The following C10orf71 variants were observed in gnomAD, a reference collection of about 807,000 sequenced individuals.
C10orf71 encodes the protein chromosome 10 open reading frame 71, also known as cardiac-enriched FHL2-interacting protein.
For missense variants in C10orf71, 1,869 were observed against 1,804.5 expected (o/e 1.04, Z -0.65); for synonymous variants, 758 against 726.3 (o/e 1.04, Z -0.70).
In C10orf71 at chr10:49,323,039, G is replaced by T; in HGVS notation, c.494G>T (p.Ser165Ile). ...SQRCESRPTA[S>I]KPPALKNPPK... ...CGTTGTGAGAGCAGGCCCACTGCCA[G>T]CAAGCCTCCGGCTCTGAAAAATCCT... The change falls in exon 3 of 3, where the codon AGC (serine) becomes ATC (isoleucine). Residue 165 changes from serine (S) to isoleucine (I), a missense_variant. By Grantham distance (142) the Ser-to-Ile change is moderately radical (BLOSUM62 -2). Coordinates refer to ENST00000374144, the MANE Select transcript of C10orf71 (RefSeq NM_001135196.2). The T allele has an allele frequency of 6.2e-7, 1 of 1,613,958 alleles. No homozygotes were observed. Among genetic ancestry groups the T allele is most frequent in the East Asian group, 2.2e-5 (1 of 44,882 alleles).
rs1698342770 is a variant in C10orf71, at chr10:49,320,343, C to T, written c.-144-2059C>T. ...CCAGGGACACTGGCTCCCCCTCCCACCAGGCTCCTGCCAGCACCTCTACTG... is the reference window on the plus strand; with the variant it reads ...CCAGGGACACTGGCTCCCCCTCCCATCAGGCTCCTGCCAGCACCTCTACTG... On this transcript the variant is annotated intron_variant, in intron 2 of 2. Transcript: ENST00000374144. Among the ~76,000 whole-genome samples, 3 of 152,160 alleles carry T rather than the reference C, an allele frequency of 2.0e-5. No homozygotes were observed. In the South Asian group the frequency reaches 6.2e-4, roughly 32 times the overall value.
At chr10:49,297,852 T>C (rs189761047), upstream of C10orf71, among the ~76,000 whole-genome samples, 50 of 152,268 alleles carry the variant, frequency 3.3e-4, no homozygotes, top group South Asian at 2.1e-4. Flanking sequence ...GTGGGTAAAA[T>C]TGAGGGGTTC....
chr10:49,315,564 G>A (rs115972017), intron 1 of C10orf71, among the ~76,000 whole-genome samples: 2 of 152,126 alleles, frequency 1.3e-5, no homozygotes, highest in South Asian at 4.1e-4. Flanking sequence ...TCACAACTGG[G>A]TCAATCATAT....
chr10:49,324,910 G>T lies in C10orf71; in HGVS notation c.2365G>T (p.Ala789Ser), dbSNP rs552882692. Reference sequence around the variant, plus strand: ...GTACTGTGCCTTAAGCAATGGGCACGCATGCCTGGAAAACCGCAGCCAGGG... The same window carrying T: ...GTACTGTGCCTTAAGCAATGGGCACTCATGCCTGGAAAACCGCAGCCAGGG... ...LQYCALSNGH[A>S]CLENRSQGEA... Residue 789 changes from alanine (A) to serine (S), a missense_variant, in exon 3 of 3, where the codon GCA (alanine) becomes TCA (serine). By Grantham distance (99) the Ala-to-Ser change is moderately conservative. Coordinates refer to ENST00000374144, the MANE Select transcript of C10orf71 (RefSeq NM_001135196.2). The T allele has an allele frequency of 2.6e-6, 4 of 1,550,608 alleles. No homozygotes were observed. The highest frequency in any genetic ancestry group is 2.0e-5 in the Admixed American group (1 of 50,956).
rs372149474 is a variant in C10orf71, at chr10:49,322,600, G to A, written c.55G>A (p.Gly19Ser). Residue 19 changes from glycine (G) to serine (S), a missense_variant, in exon 3 of 3, where the codon GGC becomes AGC. By Grantham distance (56) the Gly-to-Ser change is moderately conservative. Transcript: ENST00000374144. ...CGCGTTCAGCGACTCCTCCAGCATCGGCAGCGTGTTGGATGATGCAGACAG... is the reference window on the plus strand; with the variant it reads ...CGCGTTCAGCGACTCCTCCAGCATCAGCAGCGTGTTGGATGATGCAGACAG... ...TDAFSDSSSIGSVLDDADREV... is the reference protein window; with the variant it reads ...TDAFSDSSSISSVLDDADREV... The A allele has an allele frequency of 7.4e-6, 12 of 1,612,680 alleles. No individual in the cohort carries two copies. Among genetic ancestry groups the A allele is most frequent in the Admixed American group, 3.3e-5 (2 of 59,858 alleles).
At chr10:49,307,100 G>C (rs1848827323) in intron 1 of C10orf71, among the ~76,000 whole-genome samples, 1 of 152,216 alleles carries the variant, frequency 6.6e-6, no homozygotes, top group Admixed American at 6.5e-5. Flanking sequence ...AGAGTTGTTT[G>C]GGATCACATG....
chr10:49,316,747 CT>C (rs1213349694), intron 2 of C10orf71, among the ~76,000 whole-genome samples: 1 of 152,178 alleles, frequency 6.6e-6, no homozygotes, highest in African/African-American at 2.4e-5. Context: ...CACTTCCGTC[CT>C]TGTGTAGCTC....
In C10orf71 at chr10:49,326,631, G is replaced by A; in HGVS notation, c.4086G>A (p.Arg1362=). The change falls in exon 3 of 3, where the codon AGG becomes AGA. Residue 1362 remains arginine (R), a synonymous_variant. Coordinates refer to ENST00000374144, the MANE Select transcript of C10orf71 (RefSeq NM_001135196.2). ...AGCTCTCCGCGCCCACCTTCCTCAG[G>A]CAGGGCCCTCGTGCCTCCGCGGCCC... ...SSQLSAPTFL[R]QGPRASAARA... The A allele has an allele frequency of 6.5e-7, 1 of 1,550,126 alleles. No individual in the cohort carries two copies. Among genetic ancestry groups the A allele is most frequent in the Non-Finnish European group, 8.7e-7 (1 of 1,146,844 alleles).
chr10:49,312,228 C>T (rs1848927060), intron 1 of C10orf71, among the ~76,000 whole-genome samples: 1 of 152,202 alleles, frequency 6.6e-6, no homozygotes, highest in Admixed American at 6.5e-5. Flanking sequence ...TCACAGTGGG[C>T]ATGGCAGACC....
Position 49,326,573 on chromosome 10 carries a change from T to C in C10orf71, c.4028T>C (p.Val1343Ala). 6.4e-7 allele frequency: 1 copy of C among 1,550,708 alleles called. No homozygotes were observed. The highest frequency in any genetic ancestry group is 1.2e-5 in the South Asian group (1 of 84,052). The part of the protein sequence containing the change: ...VLYPGFQPVP[V>A]TALMPLRCSS... ...TACCCCGGCTTCCAGCCAGTGCCCG[T>C]GACGGCCTTGATGCCGCTGCGCTGC... The change falls in exon 3 of 3, where the codon GTG (valine) becomes GCG (alanine). Residue 1343 changes from valine to alanine, a missense_variant. Coordinates refer to ENST00000374144, the MANE Select transcript of C10orf71 (RefSeq NM_001135196.2).
chr10:49,300,262 A>G (rs1360482682), intron 1 of C10orf71, among the ~76,000 whole-genome samples: 1 of 152,144 alleles, frequency 6.6e-6, no homozygotes, highest in Non-Finnish European at 1.5e-5. Flanking sequence ...TGGTCTGAGC[A>G]TCTGGTTTTG....
At chr10:49,297,913 TC>T (rs926139755), upstream of C10orf71, among the ~76,000 whole-genome samples, 2 of 152,132 alleles carry the variant, frequency 1.3e-5, no homozygotes, top group African/African-American at 4.8e-5. Flanking sequence ...CAAGTAATCA[TC>T]CCCACAGCGA....
At chr10:49,300,490 G>T (rs11101082) in intron 1 of C10orf71, among the ~76,000 whole-genome samples, 2 of 145,570 alleles carry the variant, frequency 1.4e-5, no homozygotes, top group East Asian at 2.1e-4. Context: ...AGCAGTGAAA[G>T]TTCTTGCTGT....
intron 1 of C10orf71, among the ~76,000 whole-genome samples, chr10:49,314,187 C>A (rs1280468599): frequency 6.6e-6 from 1 of 152,026 alleles, no homozygotes; most frequent in Non-Finnish European, 1.5e-5. Context: ...ACATTAAAGG[C>A]CGAGTGAAAT....
chr10:49,322,584 C>G lies in C10orf71; in HGVS notation c.39C>G (p.Ser13Arg), dbSNP rs770419179. 2 of 1,611,934 alleles carry G rather than the reference C, an allele frequency of 1.2e-6. No homozygotes were observed. The highest frequency in any genetic ancestry group is 1.7e-6 in the Non-Finnish European group (2 of 1,178,994). ...ATAAGAAGTGCACAGACGCGTTCAG[C>G]GACTCCTCCAGCATCGGCAGCGTGT... ...QGNKKCTDAFSDSSSIGSVLD... is the reference protein window; with the variant it reads ...QGNKKCTDAFRDSSSIGSVLD... The change falls in exon 3 of 3, where the codon AGC (serine) becomes AGG (arginine). Residue 13 changes from serine (S) to arginine (R), a missense_variant. Coordinates refer to ENST00000374144, the MANE Select transcript of C10orf71 (RefSeq NM_001135196.2).
chr10:49,299,781 T>C (rs1404873048), intron 1 of C10orf71, among the ~76,000 whole-genome samples: 1 of 152,204 alleles, frequency 6.6e-6, no homozygotes, highest in Non-Finnish European at 1.5e-5. Flanking sequence ...GGTGACCCCA[T>C]GGTCCCAGGT....
Position 49,327,173 on chromosome 10 carries a change from T to A in C10orf71, c.*320T>A. On this transcript the variant is annotated 3_prime_UTR_variant, in exon 3 of 3. Coordinates refer to ENST00000374144, the MANE Select transcript of C10orf71 (RefSeq NM_001135196.2). The stretch of plus-strand genomic sequence containing the variant: ...TCCTCCCTCTCCTGGCCCACCCTGC[T>A]CTTCCCTCGCCCTGCAAATTAGGTG... 1 of 717,852 alleles carries A rather than the reference T, an allele frequency of 1.4e-6. No homozygotes were observed. Among genetic ancestry groups the A allele is most frequent in the Non-Finnish European group, 2.1e-6 (1 of 485,932 alleles). The allele number at this position is 717,852 out of a possible 1,614,324, so 44.5% of individuals were successfully genotyped here.
At position 49,326,666 on chromosome 10, in the gene C10orf71, C is replaced by T. The variant is rs1849259815; in HGVS notation, c.4121C>T (p.Thr1374Ile). 5.2e-6 allele frequency: 8 copies of T among 1,550,646 alleles called. No individual in the cohort carries two copies. Among genetic ancestry groups the T allele is most frequent in the Non-Finnish European group, 6.1e-6 (7 of 1,146,982 alleles). ...GPRASAARAR[T>I]QSVHESGLQL... ...CGTGCCTCCGCGGCCCGCGCCAGGA[C>T]CCAGAGTGTCCACGAGTCTGGACTA... The change falls in exon 3 of 3, where the codon ACC becomes ATC. Residue 1374 changes from threonine to isoleucine, a missense_variant. Thr to Ile is a moderately conservative substitution (Grantham distance 89). Transcript: ENST00000374144.
At position 49,326,386 on chromosome 10, in the gene C10orf71, C is replaced by G. The variant is rs754413637; in HGVS notation, c.3841C>G (p.Gln1281Glu). The stretch of plus-strand genomic sequence containing the variant: ...CACCCAGAAGGTCCTCCAGGATCCG[C>G]AGTCCGGGGAGTACTTTGTCTTCGA... ...PATQKVLQDP[Q>E]SGEYFVFDLP... The change falls in exon 3 of 3, where the codon CAG becomes GAG. Residue 1281 changes from glutamine (Q) to glutamate (E), a missense_variant. Transcript: ENST00000374144. The G allele has an allele frequency of 1.9e-6, 3 of 1,550,574 alleles. No individual in the cohort carries two copies.
Sources: allele counts gnomAD v4.1 joint callset (sites outside exome capture counted in the v4.1 genomes callset), GRCh38; gene constraint gnomAD v4.1.1; transcripts MANE v1.5; gene names NCBI Gene and HGNC (gene_info 2026-07-23, HGNC 2026-07-21).